Variants in CPA6 observed in about 807,000 individuals in gnomAD.
CPA6 encodes carboxypeptidase A6.
CPA6 carries 58 observed loss-of-function variants against 63.3 expected under a neutral mutation model. The ratio of observed to expected loss-of-function variants is 0.92; its 90% CI spans 0.74 to 1.14. CPA6 has a LOEUF of 1.14. CPA6 is among the 50% of genes most tolerant of loss of function. The probability of loss-of-function intolerance (pLI) is 0.00; values close to 1 mark genes in which losing one functional copy is unlikely to be tolerated. For synonymous variants in CPA6, 185 were observed against 179.0 expected, an observed-to-expected ratio of 1.03 and a Z score of -0.27; for missense variants, 565 against 526.6, an observed-to-expected ratio of 1.07 and a Z score of -0.71.
chr8:67,693,833 G>A (rs1182298926), intron 1 of CPA6, among the ~76,000 whole-genome samples: 1 of 152,190 alleles, frequency 6.6e-6, no homozygotes, highest in Non-Finnish European at 1.5e-5. Context: ...CCAAGAAGTA[G>A]CAACTACTCT....
intron 8 of CPA6, among the ~76,000 whole-genome samples, chr8:67,439,652 A>C (rs573504744): frequency 2.6e-5 from 4 of 152,238 alleles, no homozygotes; most frequent in Admixed American, 2.0e-4. Context: ...AGAGAACAGG[A>C]ATACAGGAAT....
At chr8:67,529,785 A>G (rs1319005587) in intron 2 of CPA6, among the ~76,000 whole-genome samples, 1 of 152,170 alleles carries the variant, frequency 6.6e-6, no homozygotes, top group African/African-American at 2.4e-5. Flanking sequence ...CAATAGTGTC[A>G]CGGGGGTGGC....
chr8:67,589,556 T>C lies in CPA6; in HGVS notation c.192+34620A>G, dbSNP rs560911167. The stretch of plus-strand genomic sequence containing the variant: ...TCTAAACTTCAAATGTATCTAATTT[T>C]GTGAGCTCCTTCAGAAGTTATAGGG... On this transcript the variant is annotated intron_variant, in intron 2 of 10. Coordinates refer to ENST00000297770, the MANE Select transcript of CPA6 (RefSeq NM_020361.5). Among the ~76,000 whole-genome samples the C allele has an allele frequency of 7.9e-5, 12 of 152,312 alleles. No homozygotes were observed. The South Asian group carries it at 2.5e-3, about 32-fold the overall frequency.
At chr8:67,543,447 G>A (rs533968265) in intron 2 of CPA6, among the ~76,000 whole-genome samples, 1 of 152,172 alleles carries the variant, frequency 6.6e-6, no homozygotes, top group Non-Finnish European at 1.5e-5. Flanking sequence ...TATGCTGTCG[G>A]TTGAACATAC....
chr8:67,448,595 G>GC (rs57585053), intron 8 of CPA6, among the ~76,000 whole-genome samples: 31,541 of 132,798 alleles, frequency 0.24, 4,251 homozygotes, highest in African/African-American at 0.39. Flanking sequence ...TTGTGCCACT[G>GC]CATTCCAGCC....
chr8:67,732,485 G>T (rs189009598), intron 1 of CPA6: 1 of 152,124 alleles, frequency 6.6e-6, no homozygotes, highest in Non-Finnish European at 1.5e-5. Context: ...TAAGAATATA[G>T]ATAAGAAGAT....
chr8:67,522,647 G>T (rs191408968), intron 2 of CPA6, among the ~76,000 whole-genome samples: 1 of 152,216 alleles, frequency 6.6e-6, no homozygotes, highest in African/African-American at 2.4e-5. Context: ...CACTTCTTGG[G>T]GGCTCAGACC....
intron 1 of CPA6, among the ~76,000 whole-genome samples, chr8:67,655,012 T>G (rs1263241517): frequency 6.6e-6 from 1 of 152,186 alleles, no homozygotes; most frequent in African/African-American, 2.4e-5. Flanking sequence ...ATCAGTAGAA[T>G]AAAATTAGTT....
At chr8:67,482,840 T>C (rs1811387929) in intron 8 of CPA6, among the ~76,000 whole-genome samples, 1 of 152,224 alleles carries the variant, frequency 6.6e-6, no homozygotes, top group Non-Finnish European at 1.5e-5. Context: ...TTCTTTTAGC[T>C]ATGTCATGTT....
intron 2 of CPA6, among the ~76,000 whole-genome samples, chr8:67,614,002 C>T (rs946555791): frequency 6.6e-6 from 1 of 152,128 alleles, no homozygotes; most frequent in Non-Finnish European, 1.5e-5. Flanking sequence ...GGATAGCCAC[C>T]TCCACCACTC....
At chr8:67,462,544 A>G (rs1338216279) in intron 8 of CPA6, among the ~76,000 whole-genome samples, 1 of 152,202 alleles carries the variant, frequency 6.6e-6, no homozygotes, top group Non-Finnish European at 1.5e-5. Flanking sequence ...GAATCACTTA[A>G]TTAGTCAAAA....
At chr8:67,436,072 C>T (rs1359405204) in intron 8 of CPA6, among the ~76,000 whole-genome samples, 1 of 151,884 alleles carries the variant, frequency 6.6e-6, no homozygotes, top group Non-Finnish European at 1.5e-5. Context: ...GCCTCCTGCA[C>T]CCCACCCCCA....
intron 2 of CPA6, among the ~76,000 whole-genome samples, chr8:67,602,464 G>A (rs1304628475): frequency 6.6e-6 from 1 of 152,096 alleles, no homozygotes; most frequent in East Asian, 1.9e-4. Flanking sequence ...AAGTCCATTT[G>A]AGCCCTACAT....
intron 1 of CPA6, among the ~76,000 whole-genome samples, chr8:67,731,465 C>CCA (rs1423641901): frequency 6.6e-6 from 1 of 152,240 alleles, no homozygotes; most frequent in Non-Finnish European, 1.5e-5. Context: ...TGATTTCACA[C>CCA]CACCTCTGTC....
chr8:67,627,429 T>C (rs1815217740), intron 1 of CPA6, among the ~76,000 whole-genome samples: 1 of 152,128 alleles, frequency 6.6e-6, no homozygotes, highest in Admixed American at 6.5e-5. Flanking sequence ...TTATAACTTA[T>C]CAGGTTTTTT....
chr8:67,425,183 A>C (rs189133606), intron 10 of CPA6, among the ~76,000 whole-genome samples: 1 of 152,300 alleles, frequency 6.6e-6, no homozygotes, highest in Admixed American at 6.5e-5. Context: ...GGCTTTTAAT[A>C]ATCATTCATT....
chr8:67,635,059 A>T (rs10088202), intron 1 of CPA6, among the ~76,000 whole-genome samples: 52,843 of 150,670 alleles, frequency 0.35, 10,154 homozygotes, highest in African/African-American at 0.43. Flanking sequence ...GCTATTTTTT[A>T]AAAAAAATTT....
chr8:67,564,187 A>G (rs1813281908), intron 2 of CPA6, among the ~76,000 whole-genome samples: 1 of 152,180 alleles, frequency 6.6e-6, no homozygotes, highest in African/African-American at 2.4e-5. Context: ...GACAAAATCC[A>G]TGAATAGGAA....
intron 1 of CPA6, among the ~76,000 whole-genome samples, chr8:67,646,391 C>T (rs1443427838): frequency 2.0e-5 from 3 of 152,244 alleles, no homozygotes; most frequent in African/African-American, 7.2e-5. Flanking sequence ...AAAGCCTGCA[C>T]TGCTAGACAT....
Sources: gnomAD v4.1 joint callset for allele counts (sites outside exome capture counted in the v4.1 genomes callset) on GRCh38, gnomAD v4.1.1 for gene constraint, MANE v1.5 for transcripts, NCBI Gene and HGNC (gene_info 2026-07-23, HGNC 2026-07-21) for gene names.